Variants in LPL observed in about 807,000 individuals in gnomAD.
LPL encodes lipoprotein lipase, also known as phospholipase A1.
Under a neutral mutation model 52.2 loss-of-function variants are expected in LPL, and 43 were observed. The ratio of observed to expected loss-of-function variants is 0.82; its 90% CI spans 0.64 to 1.06. The LOEUF (loss-of-function observed/expected upper bound fraction) is 1.06, where lower values mean the gene tolerates loss of function less well. Ranked by LOEUF, LPL falls within the 50% of genes least tolerant of loss-of-function variation. The pLI, the probability that LPL is intolerant of heterozygous loss-of-function variation, is 0.00. For missense variants in LPL, 639 were observed against 585.3 expected, an observed-to-expected ratio of 1.09 and a Z score of -0.95; for synonymous variants, 244 against 215.6, an observed-to-expected ratio of 1.13 and a Z score of -1.15.
At position 19,951,773 on chromosome 8, in the gene LPL, C is replaced by G. The variant is rs182593459; in HGVS notation, c.254C>G (p.Thr85Arg). 2 of 1,614,104 alleles carry G rather than the reference C, an allele frequency of 1.2e-6. No individual in the cohort carries two copies. Among genetic ancestry groups the G allele is most frequent in the African/African-American group, 2.7e-5 (2 of 75,032 alleles). Reference protein sequence around the residue: ...TFMVIHGWTVTGMYESWVPKL... With the variant: ...TFMVIHGWTVRGMYESWVPKL... ...AGCTTGTGTCATCATCTTCAGGTAA[C>G]AGGAATGTATGAGAGTTGGGTGCCA... is the stretch of plus-strand genomic sequence containing the variant. Residue 85 changes from threonine (T) to arginine (R), a missense_variant, in exon 3 of 10, where the codon ACA becomes AGA. Coordinates refer to ENST00000650287, the MANE Select transcript of LPL (RefSeq NM_000237.3).
chr8:19,958,777 C>T (rs1391588100), intron 6 of LPL, among the ~76,000 whole-genome samples: 4 of 152,052 alleles, frequency 2.6e-5, no homozygotes, highest in East Asian at 1.9e-4. Context: ...ATCCTGTGAC[C>T]GGAAGCCCGC....
At chr8:19,960,169 A>AT (rs1393969272) in intron 7 of LPL, among the ~76,000 whole-genome samples, 1 of 152,212 alleles carries the variant, frequency 6.6e-6, no homozygotes, top group Non-Finnish European at 1.5e-5. Flanking sequence ...ATCTTTAAAA[A>AT]TAGCCAGTGC....
intron 9 of LPL, among the ~76,000 whole-genome samples, chr8:19,963,735 T>C (rs1222350252): frequency 1.3e-5 from 2 of 152,140 alleles, no homozygotes; most frequent in Non-Finnish European, 2.9e-5. Context: ...TGAGAACATC[T>C]GGATCAAAAG....
chr8:19,955,809 A>T (rs201432554), intron 5 of LPL, 32 bp from the exon 6 acceptor site: 17 of 1,613,948 alleles, frequency 1.1e-5, no homozygotes, highest in Non-Finnish European at 1.3e-5. Flanking sequence ...ATTTCTGCCG[A>T]GATACAATCT....
At chr8:19,963,787 T>C (rs1043215408) in intron 9 of LPL, among the ~76,000 whole-genome samples, 4 of 152,150 alleles carry the variant, frequency 2.6e-5, no homozygotes, top group African/African-American at 7.2e-5. Context: ...AAATGGAGAA[T>C]AGTTAGTGGT....
chr8:19,963,329 G>A (rs555476373), intron 9 of LPL, among the ~76,000 whole-genome samples: 5 of 151,862 alleles, frequency 3.3e-5, no homozygotes, highest in South Asian at 4.2e-4. Context: ...CCAGCTACTC[G>A]GCAGGCTGAG....
At position 19,939,901 on chromosome 8, in the gene LPL, A is replaced by C. The variant is rs1224496104; in HGVS notation, c.88+373A>C. Among the ~76,000 whole-genome samples the C allele has an allele frequency of 6.6e-6, 1 of 151,562 alleles. No homozygotes were observed. The highest frequency in any genetic ancestry group is 6.6e-5 in the Admixed American group (1 of 15,262). ...GCCCGGCTGGCGGTGACCTGCAGTC[A>C]CCTCTCTGCCGGAGGGGCCCTGGAA... On this transcript the variant is annotated intron_variant, in intron 1 of 9. Coordinates refer to ENST00000650287, the MANE Select transcript of LPL (RefSeq NM_000237.3). This position sits in a 1 kb window ranked among gnomAD's most constrained non-coding sequence, Gnocchi z 4.0.
intron 7 of LPL, among the ~76,000 whole-genome samples, chr8:19,960,139 T>C (rs1387042333): frequency 6.6e-6 from 1 of 152,140 alleles, no homozygotes; most frequent in Non-Finnish European, 1.5e-5. Context: ...TTGATACTTT[T>C]ACAATTACTA....
At chr8:19,960,844 G>C in intron 7 of LPL, 57 bp from the exon 8 acceptor site, 1 of 1,278,866 alleles carries the variant, frequency 7.8e-7, no homozygotes, top group African/African-American at 1.5e-5. Context: ...AAAAAAAAGT[G>C]GGGGGCAGGG....
At chr8:19,956,119 G>A in intron 6 of LPL, 36 bp downstream of exon 6, 1 of 1,613,090 alleles carries the variant, frequency 6.2e-7, no homozygotes, top group Non-Finnish European at 8.5e-7. Flanking sequence ...GGAAACCAAG[G>A]AGTCCTATTT....
chr8:19,959,029 A>G (rs1002956928), intron 6 of LPL, among the ~76,000 whole-genome samples: 1 of 152,092 alleles, frequency 6.6e-6, no homozygotes, highest in African/African-American at 2.4e-5. Flanking sequence ...GGTTTTTCCT[A>G]TGCATATAAC....
At position 19,956,232 on chromosome 8, in the gene LPL, T is replaced by C. The variant is rs2069984715; in HGVS notation, c.1018+149T>C. 7 of 1,145,540 alleles carry C rather than the reference T, an allele frequency of 6.1e-6. No homozygotes were observed. In the Admixed American group the frequency reaches 1.2e-4, roughly 19 times the overall value. The allele number at this position is 1,145,540 out of a possible 1,614,324, so 71.0% of individuals were successfully genotyped here. ...CCCTGGTGTTTCTGTTGATAGGGGGTTGCATTGATCCATTTGTCTGAGGCT... is the reference window on the plus strand; with the variant it reads ...CCCTGGTGTTTCTGTTGATAGGGGGCTGCATTGATCCATTTGTCTGAGGCT... On this transcript the variant is annotated intron_variant, in intron 6 of 9. Coordinates refer to ENST00000650287, the MANE Select transcript of LPL (RefSeq NM_000237.3).
intron 1 of LPL, among the ~76,000 whole-genome samples, chr8:19,947,656 A>ACCCCCCCCCCC (rs11320112): frequency 2.9e-5 from 2 of 69,592 alleles, no homozygotes; most frequent in Admixed American, 1.8e-4. Context: ...AAACAAAACA[A>ACCCCCCCCCCC]CCCCCCCCCC....
chr8:19,959,900 T>C (rs1019979994), intron 7 of LPL, among the ~76,000 whole-genome samples: 8 of 149,894 alleles, frequency 5.3e-5, no homozygotes, highest in African/African-American at 1.7e-4. Context: ...ACAATTCTTC[T>C]GTCTCAGCCT....
intron 6 of LPL, 91 bp from the exon 7 acceptor site, chr8:19,959,169 G>A (rs2070014678): frequency 1.3e-6 from 2 of 1,534,054 alleles, no homozygotes; most frequent in Non-Finnish European, 1.8e-6. Flanking sequence ...GTGCTAGTGA[G>A]ATACTTCTGT....
Position 19,966,290 on chromosome 8 carries a change from G to T in LPL, c.*980G>T, listed in dbSNP as rs990205087. The T allele has an allele frequency of 6.6e-6, 1 of 152,264 alleles. No individual in the cohort carries two copies. Among genetic ancestry groups the T allele is most frequent in the African/African-American group, 2.4e-5 (1 of 41,550 alleles). 9.4% of individuals were successfully genotyped at this position (152,264 alleles called of 1,614,324 possible). The stretch of plus-strand genomic sequence containing the variant: ...TTTGTTCCTGGCTTTGACATGAAAA[G>T]ATAGGTTTGAGTTCAAATTTTGCAT... On this transcript the variant is annotated 3_prime_UTR_variant, in exon 10 of 10. Transcript: ENST00000650287.
At chr8:19,959,205 G>A in intron 6 of LPL, 55 bp from the exon 7 acceptor site, 2 of 1,611,926 alleles carry the variant, frequency 1.2e-6, no homozygotes, top group Non-Finnish European at 1.7e-6. Flanking sequence ...GACTATTTGG[G>A]GTTGTGATAT....
chr8:19,942,882 A>T (rs2069852587), intron 1 of LPL, among the ~76,000 whole-genome samples: 1 of 152,222 alleles, frequency 6.6e-6, no homozygotes, highest in African/African-American at 2.4e-5. Flanking sequence ...ATATATATGT[A>T]AGTTCTGCCG....
rs1315447683 is a variant in LPL at position 19,944,303 on chromosome 8, G to C, written c.89-3877G>C. Reference sequence around the variant, plus strand: ...ATCAATTCAGTCTGATCATGATATTGATGTTTTTCTTCACCAAATCGACCA... The same window carrying C: ...ATCAATTCAGTCTGATCATGATATTCATGTTTTTCTTCACCAAATCGACCA... On this transcript the variant is annotated intron_variant, in intron 1 of 9. Transcript: ENST00000650287. The surrounding 1 kb of genome is among the most constrained non-coding windows in gnomAD (Gnocchi z 4.2). Among the ~76,000 whole-genome samples, 1 of 152,152 alleles carries C rather than the reference G, an allele frequency of 6.6e-6. No homozygotes were observed. The highest frequency in any genetic ancestry group is 1.5e-5 in the Non-Finnish European group (1 of 68,034).
Sources: allele counts gnomAD v4.1 joint callset (sites outside exome capture counted in the v4.1 genomes callset), GRCh38; gene constraint gnomAD v4.1.1; non-coding constraint Gnocchi (gnomAD v3.1); transcripts MANE v1.5; gene names NCBI Gene and HGNC (gene_info 2026-07-23, HGNC 2026-07-21).